RORA: variants seen among roughly 807,000 people sequenced by gnomAD.
RORA encodes the protein nuclear receptor ROR-alpha.
RORA carries 7 observed loss-of-function variants against 69.5 expected under a neutral mutation model. The ratio of observed to expected loss-of-function variants is 0.10; its 90% CI spans 0.06 to 0.19. The LOEUF (loss-of-function observed/expected upper bound fraction) is 0.19. Among genes scored for constraint, RORA ranks in the 10% least tolerant of loss-of-function variants. The pLI, the probability that RORA is intolerant of heterozygous loss-of-function variation, is 1.00. For missense variants in RORA, 457 were observed against 663.0 expected (o/e 0.69, Z 3.41); for synonymous variants, 261 against 240.8 (o/e 1.08, Z -0.78).
intron 2 of RORA, among the ~76,000 whole-genome samples, chr15:60,574,787 G>T (rs1282667585): frequency 6.6e-6 from 1 of 152,156 alleles, no homozygotes; most frequent in African/African-American, 2.4e-5. Flanking sequence ...GAGGTTACAT[G>T]ACTTGCCCAA....
At chr15:60,838,765 T>A (rs1292753551) in intron 1 of RORA, among the ~76,000 whole-genome samples, 2 of 151,034 alleles carry the variant, frequency 1.3e-5, no homozygotes, top group African/African-American at 4.9e-5. Context: ...TTAACTCAGT[T>A]CCCCCAGACA....
intron 1 of RORA, among the ~76,000 whole-genome samples, chr15:60,859,787 T>A (rs572647362): frequency 1.6e-4 from 25 of 151,998 alleles, no homozygotes; most frequent in Middle Eastern, 6.8e-3. Context: ...GGGGAATACT[T>A]AATCAATATT....
intron 1 of RORA, among the ~76,000 whole-genome samples, chr15:60,768,320 T>G (rs1251769278): frequency 1.3e-5 from 2 of 152,148 alleles, no homozygotes; most frequent in Non-Finnish European, 2.9e-5. Flanking sequence ...AAATGGCATA[T>G]GTGCACTGTG....
intron 1 of RORA, among the ~76,000 whole-genome samples, chr15:60,693,643 C>T (rs1031010268): frequency 1.8e-4 from 27 of 152,110 alleles, no homozygotes; most frequent in African/African-American, 5.8e-4. Flanking sequence ...TTCCTATTCA[C>T]CAACAGTAGA....
chr15:61,023,366 G>A (rs1384011977), intron 1 of RORA, among the ~76,000 whole-genome samples: 1 of 152,116 alleles, frequency 6.6e-6, no homozygotes, highest in East Asian at 1.9e-4. Flanking sequence ...CACAGTGAGA[G>A]TAAGAGAAAA....
At chr15:61,043,917 G>C (rs1213778560) in intron 1 of RORA, among the ~76,000 whole-genome samples, 2 of 152,118 alleles carry the variant, frequency 1.3e-5, no homozygotes, top group East Asian at 3.9e-4. Context: ...AACTTCAAGA[G>C]AATTTGCAGT....
chr15:60,525,407 G>C (rs1265049846), intron 3 of RORA, among the ~76,000 whole-genome samples: 2 of 152,200 alleles, frequency 1.3e-5, no homozygotes, highest in South Asian at 4.1e-4. Flanking sequence ...AGGCTGAAAT[G>C]CTGATCTGAT....
intron 1 of RORA, among the ~76,000 whole-genome samples, chr15:60,715,236 C>A (rs1481357295): frequency 6.6e-6 from 1 of 152,170 alleles, no homozygotes; most frequent in Non-Finnish European, 1.5e-5. Flanking sequence ...GAGCAGGAAT[C>A]CAACATACAA....
chr15:60,747,656 C>A (rs1038946837), intron 1 of RORA, among the ~76,000 whole-genome samples: 1 of 152,064 alleles, frequency 6.6e-6, no homozygotes, highest in Non-Finnish European at 1.5e-5. Context: ...GACTACTGTG[C>A]ACAAGGAGAG....
intron 1 of RORA, among the ~76,000 whole-genome samples, chr15:61,040,113 GATAT>G (rs60830259): frequency 0.057 from 2,605 of 45,666 alleles, 65 homozygotes; most frequent in Middle Eastern, 0.087. Context: ...CACAAGCTTT[GATAT>G]ATATATATAT....
At chr15:60,991,138 C>A (rs909443558) in intron 1 of RORA, among the ~76,000 whole-genome samples, 2 of 151,972 alleles carry the variant, frequency 1.3e-5, no homozygotes, top group African/African-American at 4.8e-5. Flanking sequence ...CGGACTATAC[C>A]CAGGAAATAA....
intron 1 of RORA, among the ~76,000 whole-genome samples, chr15:60,980,962 T>G (rs1392552481): frequency 6.6e-6 from 1 of 152,072 alleles, no homozygotes; most frequent in African/African-American, 2.4e-5. Flanking sequence ...TTTAGGTTAT[T>G]GAGTTCAGAT....
intron 1 of RORA, among the ~76,000 whole-genome samples, chr15:60,694,049 C>T (rs933753458): frequency 1.2e-4 from 18 of 152,276 alleles, no homozygotes; most frequent in African/African-American, 4.1e-4. Context: ...TCAAATTATA[C>T]TACAAGGCTA....
At chr15:60,922,800 T>C (rs1179645789) in intron 1 of RORA, among the ~76,000 whole-genome samples, 1 of 152,228 alleles carries the variant, frequency 6.6e-6, no homozygotes, top group Non-Finnish European at 1.5e-5. Context: ...TCTTCTGAAT[T>C]CTTTAGAACC....
At chr15:60,865,678 G>C (rs2073479401) in intron 1 of RORA, among the ~76,000 whole-genome samples, 1 of 152,138 alleles carries the variant, frequency 6.6e-6, no homozygotes, top group Admixed American at 6.5e-5. Flanking sequence ...TTTTCTCAAT[G>C]CTTGTTCAGT....
intron 2 of RORA, among the ~76,000 whole-genome samples, chr15:60,663,204 A>G (rs1359187290): frequency 2.0e-5 from 3 of 152,208 alleles, no homozygotes; most frequent in East Asian, 1.9e-4. Context: ...CTGTATGACA[A>G]TTTCAGAATC....
At chr15:60,573,959 A>C (rs2067954855) in intron 2 of RORA, among the ~76,000 whole-genome samples, 1 of 152,206 alleles carries the variant, frequency 6.6e-6, no homozygotes, top group South Asian at 2.1e-4. Flanking sequence ...CCTGGCACAC[A>C]TCAGATGCTC....
At chr15:60,798,946 T>C (rs1336918981) in intron 1 of RORA, among the ~76,000 whole-genome samples, 2 of 151,812 alleles carry the variant, frequency 1.3e-5, no homozygotes, top group African/African-American at 4.9e-5. Flanking sequence ...TTTTTTTTTT[T>C]TTTTTAAACT....
At chr15:61,163,581 G>A (rs756058331) in intron 1 of RORA, among the ~76,000 whole-genome samples, 15 of 152,160 alleles carry the variant, frequency 9.9e-5, no homozygotes, top group Admixed American at 2.6e-4. Context: ...AAGGGGAGCC[G>A]ATGAGGGAAG....
Sources: gnomAD v4.1 joint callset for allele counts (sites outside exome capture counted in the v4.1 genomes callset) on GRCh38, gnomAD v4.1.1 for gene constraint, MANE v1.5 for transcripts, NCBI Gene and HGNC (gene_info 2026-07-23, HGNC 2026-07-21) for gene names.